The following MEGF10 variants were observed in gnomAD, a reference collection of about 807,000 sequenced individuals.
MEGF10 encodes multiple epidermal growth factor-like domains protein 10.
MEGF10 carries 86 observed loss-of-function variants against 147.5 expected under a neutral mutation model. That is an observed-to-expected ratio of 0.58 (90% CI 0.49 to 0.70). The LOEUF (loss-of-function observed/expected upper bound fraction) is 0.70. MEGF10 is among the 30% of genes least tolerant of loss of function. The probability of loss-of-function intolerance (pLI) is 0.00; values close to 1 mark genes in which losing one functional copy is unlikely to be tolerated. For synonymous variants in MEGF10, 478 were observed against 525.5 expected (o/e 0.91, Z 1.24); for missense variants, 1,329 against 1,487.3 (o/e 0.89, Z 1.75).
intron 22 of MEGF10, among the ~76,000 whole-genome samples, chr5:127,454,269 T>G (rs1480648921): frequency 6.6e-6 from 1 of 152,234 alleles, no homozygotes; most frequent in Non-Finnish European, 1.5e-5. Context: ...ATCCTTTCTT[T>G]TCACTGTGCA....
chr5:127,456,683 C>G (rs955176546), intron 24 of MEGF10, among the ~76,000 whole-genome samples: 1 of 152,192 alleles, frequency 6.6e-6, no homozygotes, highest in Non-Finnish European at 1.5e-5. Flanking sequence ...GTCCCACAAA[C>G]CTGCCACAGT....
the MEGF10 span, among the ~76,000 whole-genome samples, chr5:127,234,673 A>G: frequency 1.3e-5 from 2 of 152,212 alleles, no homozygotes; most frequent in African/African-American, 2.4e-5. Flanking sequence ...TGAATTGATT[A>G]TATTTAGGGA....
intron 9 of MEGF10, among the ~76,000 whole-genome samples, chr5:127,414,977 C>A (rs1266098948): frequency 6.6e-6 from 1 of 151,822 alleles, no homozygotes; most frequent in Non-Finnish European, 1.5e-5. Context: ...GATGTTTAAG[C>A]TGAGACTGGA....
chr5:127,333,669 A>C (rs1016493954), intron 2 of MEGF10, among the ~76,000 whole-genome samples: 5 of 152,156 alleles, frequency 3.3e-5, no homozygotes, highest in African/African-American at 1.2e-4. Flanking sequence ...CTGGCTCACC[A>C]CTGATAATTC....
intron 5 of MEGF10, among the ~76,000 whole-genome samples, chr5:127,380,522 T>C (rs1199223721): frequency 7.0e-6 from 1 of 142,824 alleles, no homozygotes; most frequent in Non-Finnish European, 1.5e-5. Flanking sequence ...TCTTTCCTTT[T>C]CTTTTTTTTT....
At chr5:127,391,064 G>A (rs1389878487) in intron 5 of MEGF10, among the ~76,000 whole-genome samples, 1 of 146,118 alleles carries the variant, frequency 6.8e-6, no homozygotes, top group Non-Finnish European at 1.5e-5. Context: ...GTCTTTATGT[G>A]TATATATACA....
At position 127,396,762 on chromosome 5, in the gene MEGF10, G is replaced by C. The variant is rs1468750884; in HGVS notation, c.643G>C (p.Gly215Arg). The change falls in exon 6 of 25, where the codon GGA becomes CGA. Residue 215 changes from glycine to arginine, a missense_variant. Gly to Arg is a moderately radical substitution (Grantham distance 125, BLOSUM62 -2). Around this residue, in one of 3 missense-constraint regions of MEGF10, gnomAD observed 980 missense variants for 1,085.9 expected, o/e 0.90. Transcript: ENST00000503335. ...HVTGECRCPP[G>R]YTGAFCEDLC... ...CACGGGGGAATGCCGCTGCCCACCA[G>C]GATACACCGGAGCCTTGTAAGTCAC... 2.5e-6 allele frequency: 4 copies of C among 1,613,616 alleles called. No homozygotes were observed. The African/African-American group carries it at 4.0e-5, about 16-fold the overall frequency.
intron 4 of MEGF10, 57 bp downstream of exon 4, chr5:127,340,687 T>A: frequency 1.4e-6 from 2 of 1,415,426 alleles, no homozygotes; most frequent in Non-Finnish European, 2.0e-6. Context: ...GCTGGTTTGC[T>A]TCCATTAATA....
intron 4 of MEGF10, among the ~76,000 whole-genome samples, chr5:127,369,001 A>G (rs1056130890): frequency 2.6e-5 from 4 of 152,192 alleles, no homozygotes; most frequent in Non-Finnish European, 5.9e-5. Context: ...GGTGTTTTAT[A>G]TATTTGAGCA....
chr5:127,335,344 G>C (rs1377633199), intron 2 of MEGF10, among the ~76,000 whole-genome samples: 2 of 152,134 alleles, frequency 1.3e-5, no homozygotes, highest in African/African-American at 4.8e-5. Flanking sequence ...GATAATAGAA[G>C]TGGTGCCCTC....
intron 4 of MEGF10, among the ~76,000 whole-genome samples, chr5:127,341,120 TTTCA>T (rs1761666222): frequency 6.6e-6 from 1 of 152,122 alleles, no homozygotes; most frequent in African/African-American, 2.4e-5. Flanking sequence ...TAGAACTTCT[TTTCA>T]TTGTCATTTT....
chr5:127,346,746 T>C (rs1484945730), intron 4 of MEGF10, among the ~76,000 whole-genome samples: 1 of 152,194 alleles, frequency 6.6e-6, no homozygotes, highest in East Asian at 1.9e-4. Context: ...TTTGTTTTTG[T>C]TGCATTTGCT....
intron 7 of MEGF10, among the ~76,000 whole-genome samples, chr5:127,401,203 A>T (rs1189075637): frequency 6.6e-6 from 1 of 152,196 alleles, no homozygotes; most frequent in Non-Finnish European, 1.5e-5. Context: ...CACATTAAGT[A>T]TACCATGTCA....
intron 1 of MEGF10, among the ~76,000 whole-genome samples, chr5:127,311,787 T>C (rs1199668965): frequency 1.3e-5 from 2 of 152,216 alleles, no homozygotes; most frequent in Non-Finnish European, 2.9e-5. Flanking sequence ...GTTTTACTGA[T>C]GTCAAGGAAG....
chr5:127,260,052 G>C, the MEGF10 span, among the ~76,000 whole-genome samples: 5 of 152,022 alleles, frequency 3.3e-5, no homozygotes, highest in African/African-American at 1.2e-4. Flanking sequence ...ATCTACTCAG[G>C]AGGCTGAGGC....
intron 5 of MEGF10, among the ~76,000 whole-genome samples, chr5:127,395,536 CTTTTTT>C (rs35926205): frequency 1.5e-5 from 1 of 65,574 alleles, no homozygotes; most frequent in East Asian, 4.0e-4. Flanking sequence ...TGACTGATAT[CTTTTTT>C]TTTTTTTTTT....
chr5:127,414,053 A>G (rs982053252), intron 9 of MEGF10, among the ~76,000 whole-genome samples: 3 of 152,248 alleles, frequency 2.0e-5, no homozygotes, highest in Admixed American at 6.5e-5. Flanking sequence ...AAACCAATCT[A>G]TCACTTGAAA....
intron 4 of MEGF10, among the ~76,000 whole-genome samples, chr5:127,352,959 C>G (rs1013252250): frequency 6.6e-6 from 1 of 152,234 alleles, no homozygotes; most frequent in African/African-American, 2.4e-5. Flanking sequence ...CTCTTGCACT[C>G]ATCGACATCA....
chr5:127,298,254 C>T (rs1015298628), intron 1 of MEGF10, among the ~76,000 whole-genome samples: 2 of 152,176 alleles, frequency 1.3e-5, no homozygotes, highest in African/African-American at 4.8e-5. Flanking sequence ...TGCACTCCTC[C>T]TCTCTTGCTC....
Sources: gnomAD v4.1 joint callset for allele counts (sites outside exome capture counted in the v4.1 genomes callset) on GRCh38, gnomAD v4.1.1 for gene constraint, gnomAD v4.1.1 regional missense constraint, MANE v1.5 for transcripts, NCBI Gene and HGNC (gene_info 2026-07-23, HGNC 2026-07-21) for gene names.